The following BRD4 variants were observed in gnomAD, a reference collection of about 807,000 sequenced individuals.
The protein encoded by BRD4 is bromodomain-containing protein 4.
In BRD4, 16 loss-of-function variants were observed where a neutral mutation model predicts 142.1. The observed-to-expected ratio is 0.11, with a 90% CI of 0.08 to 0.17. The LOEUF is 0.17. Among genes scored for constraint, BRD4 ranks in the 10% least tolerant of loss-of-function variants. The pLI is 1.00. For synonymous variants in BRD4, 833 were observed against 707.5 expected, an observed-to-expected ratio of 1.18 and a Z score of -2.82; for missense variants, 1,424 against 1,810.9, an observed-to-expected ratio of 0.79 and a Z score of 3.88.
intron 1 of BRD4, among the ~76,000 whole-genome samples, chr19:15,289,786 G>A (rs993862582): frequency 5.9e-5 from 9 of 152,138 alleles, no homozygotes; most frequent in African/African-American, 2.2e-4. Flanking sequence ...TGGGAGAAGT[G>A]TGCTTGTAAG....
At chr19:15,247,488 G>A (rs999036881) in intron 11 of BRD4, 2 of 233,058 alleles carry the variant, frequency 8.6e-6, no homozygotes, top group Non-Finnish European at 1.7e-5. Flanking sequence ...AGAAGGACAG[G>A]GTCCCTGGAC....
intron 11 of BRD4, among the ~76,000 whole-genome samples, chr19:15,246,034 G>A (rs530314752): frequency 1.3e-5 from 2 of 152,328 alleles, no homozygotes; most frequent in African/African-American, 4.8e-5. Context: ...CTCCACGCCA[G>A]ACAAGACACA....
chr19:15,298,049 A>T (rs1169531677), intron 1 of BRD4, among the ~76,000 whole-genome samples: 1 of 152,228 alleles, frequency 6.6e-6, no homozygotes, highest in African/African-American at 2.4e-5. Flanking sequence ...CTGCCTCACA[A>T]GGGTTACAGC....
At chr19:15,252,320 A>G (rs1189466881) in intron 11 of BRD4, among the ~76,000 whole-genome samples, 1 of 152,206 alleles carries the variant, frequency 6.6e-6, no homozygotes, top group African/African-American at 2.4e-5. Flanking sequence ...ATTTTAGTTA[A>G]TCAGGTCCCC....
At chr19:15,328,217 T>C (rs982986671) in intron 1 of BRD4, among the ~76,000 whole-genome samples, 1 of 152,150 alleles carries the variant, frequency 6.6e-6, no homozygotes, top group African/African-American at 2.4e-5. Context: ...GGACTAATTG[T>C]AGAGACAGAT....
At chr19:15,251,353 G>A (rs2047341704) in intron 11 of BRD4, among the ~76,000 whole-genome samples, 1 of 145,514 alleles carries the variant, frequency 6.9e-6, no homozygotes, top group Non-Finnish European at 1.5e-5. Context: ...CAGGGCCGTT[G>A]TCAGCGGAAC....
At position 15,264,779 on chromosome 19, in the gene BRD4, C is replaced by T. The variant is rs537302265; in HGVS notation, c.850-13G>A. 12 of 1,585,940 alleles carry T rather than the reference C, an allele frequency of 7.6e-6. No homozygotes were observed. The highest frequency in any genetic ancestry group is 2.3e-4 in the Middle Eastern group (1 of 4,384). ...CTCCCTTCTTTGTCTGCCAAGAACA[C>T]GGACGCCAACAGGCACAGTCAGAAG... On this transcript the variant is annotated splice_polypyrimidine_tract_variant and intron_variant, in intron 5 of 19. Coordinates refer to ENST00000679869, the MANE Select transcript of BRD4 (RefSeq NM_001379291.1).
chr19:15,297,098 C>T (rs577140983), intron 1 of BRD4, among the ~76,000 whole-genome samples: 167 of 152,360 alleles, frequency 1.1e-3, no homozygotes, highest in Non-Finnish European at 1.6e-3. Flanking sequence ...TAAAAGCAGC[C>T]AGCATAGCTT....
rs913018426 is a variant in BRD4 at position 15,264,409 on chromosome 19, T to C, written c.1207A>G (p.Ile403Val). ...IIKHPMDMST[I>V]KSKLEAREYR... is the part of the protein sequence containing the mutation. ...CTCAGGCACATCCCGCTAACCTTGA[T>C]TGTGCTCATGTCCATGGGGTGCTTG... The change falls in exon 6 of 20, where the codon ATC becomes GTC. Residue 403 changes from isoleucine to valine, a missense_variant. Physicochemically the swap from Ile to Val is conservative, Grantham distance 29. Around this residue, in one of 16 missense-constraint regions of BRD4, gnomAD observed 26 missense variants for 20.2 expected, o/e 1.29. Coordinates refer to ENST00000679869, the MANE Select transcript of BRD4 (RefSeq NM_001379291.1). 2.9e-5 allele frequency: 46 copies of C among 1,600,180 alleles called. No individual in the cohort carries two copies. The East Asian group carries it at 4.3e-4, about 15-fold the overall frequency.
intron 1 of BRD4, among the ~76,000 whole-genome samples, chr19:15,288,197 T>C (rs969544098): frequency 1.3e-5 from 2 of 152,212 alleles, no homozygotes; most frequent in Non-Finnish European, 2.9e-5. Flanking sequence ...AACATGGGCG[T>C]ACAAATACAT....
At chr19:15,278,061 G>C (rs2047666904) in intron 1 of BRD4, among the ~76,000 whole-genome samples, 2 of 112,844 alleles carry the variant, frequency 1.8e-5, no homozygotes, top group Admixed American at 2.8e-4. Flanking sequence ...AGCCAAGATA[G>C]CACAACTGCA....
rs1239971222 is a variant in BRD4, at chr19:15,273,073, C to T, written c.27G>A (p.Thr9=). The change falls in exon 2 of 20, where the codon ACG becomes ACA. Residue 9 remains threonine, a synonymous_variant. Coordinates refer to ENST00000679869, the MANE Select transcript of BRD4 (RefSeq NM_001379291.1). MSAESGPG[T]RLRNLPVMGD... is the part of the protein sequence containing the mutation. Reference sequence around the variant, plus strand: ...CCATTACTGGCAGATTTCTCAATCTCGTCCCAGGGCCGCTCTCCGCAGACA... The same window carrying T: ...CCATTACTGGCAGATTTCTCAATCTTGTCCCAGGGCCGCTCTCCGCAGACA... The T allele has an allele frequency of 5.0e-6, 8 of 1,605,090 alleles. No homozygotes were observed. Among genetic ancestry groups the T allele is most frequent in the African/African-American group, 1.3e-5 (1 of 74,848 alleles).
chr19:15,245,025 C>T (rs376209959), intron 11 of BRD4: 3 of 590,258 alleles, frequency 5.1e-6, no homozygotes, highest in Non-Finnish European at 5.8e-6. Flanking sequence ...CAGATCACCA[C>T]GGTTGCACCG....
intron 3 of BRD4, chr19:15,268,415 T>G (rs910270284): frequency 6.5e-6 from 1 of 154,582 alleles, no homozygotes. Context: ...TTGACAGTCA[T>G]GTCCACAGTT....
chr19:15,253,395 T>C, intron 11 of BRD4: 1 of 660,382 alleles, frequency 1.5e-6, no homozygotes, highest in East Asian at 2.7e-5. Flanking sequence ...CCAGCATCAC[T>C]ACCTGCCTCC....
chr19:15,278,873 C>A (rs2047678420), intron 1 of BRD4, among the ~76,000 whole-genome samples: 1 of 151,638 alleles, frequency 6.6e-6, no homozygotes, highest in Non-Finnish European at 1.5e-5. Flanking sequence ...CGGAGTTTTG[C>A]TCTTGTTGCC....
In BRD4 at chr19:15,268,989, G is replaced by A. The variant is rs1366920288; in HGVS notation, c.339C>T (p.Arg113=). 1.2e-6 allele frequency: 2 copies of A among 1,614,118 alleles called. No homozygotes were observed. Residue 113 remains arginine, a synonymous_variant, in exon 3 of 20, where the codon CGC becomes CGT. Transcript: ENST00000679869. ...TPMDMGTIKK[R]LENNYYWNAQ... is the part of the protein sequence containing the mutation. ...CATTCCAGTAATAGTTGTTTTCCAA[G>A]CGCTTCTTTATTGTTCCCATATCCA...
At chr19:15,310,424 G>A (rs1444461668) in intron 1 of BRD4, among the ~76,000 whole-genome samples, 6 of 133,922 alleles carry the variant, frequency 4.5e-5, no homozygotes, top group East Asian at 4.6e-4. Context: ...GCAGTGGCGC[G>A]ATCTAGGCTC....
rs117547747 is a variant in BRD4 at position 15,320,018 on chromosome 19, G to A, written c.-35+12272C>T. On this transcript the variant is annotated intron_variant, in intron 1 of 19. Coordinates refer to ENST00000679869, the MANE Select transcript of BRD4 (RefSeq NM_001379291.1). ...TTTTTCTTCCACAGAGTAAAATCAG[G>A]AAATTCATTCTGGTACCTGGTCTTT... Among the ~76,000 whole-genome samples, 47 of 152,216 alleles carry A rather than the reference G, an allele frequency of 3.1e-4. 1 individual carries two copies. In the East Asian group the frequency reaches 9.1e-3, roughly 29 times the overall value.
Sources: allele counts gnomAD v4.1 joint callset (sites outside exome capture counted in the v4.1 genomes callset), GRCh38; gene constraint gnomAD v4.1.1; regional missense constraint gnomAD v4.1.1; transcripts MANE v1.5; gene names NCBI Gene and HGNC (gene_info 2026-07-23, HGNC 2026-07-21).